The following ROBO1 variants were observed in gnomAD, a reference collection of about 807,000 sequenced individuals.
The protein encoded by ROBO1 is roundabout guidance receptor 1, also known as roundabout homolog 1.
A neutral mutation model predicts 195.9 loss-of-function variants in ROBO1; 149 were observed. The observed-to-expected ratio is 0.76, with a 90% CI of 0.67 to 0.87. The LOEUF (loss-of-function observed/expected upper bound fraction) is 0.87, where lower values mean the gene tolerates loss of function less well. Among genes scored for constraint, ROBO1 ranks in the 40% least tolerant of loss-of-function variants. The pLI, the probability that ROBO1 is intolerant of heterozygous loss-of-function variation, is 0.00. For missense variants in ROBO1, 1,933 were observed against 2,068.3 expected (o/e 0.93, Z 1.27); for synonymous variants, 816 against 733.2 (o/e 1.11, Z -1.82).
chr3:78,860,066 G>A (rs1297278673), intron 4 of ROBO1, among the ~76,000 whole-genome samples: 3 of 148,088 alleles, frequency 2.0e-5, no homozygotes, highest in Non-Finnish European at 4.5e-5. Context: ...GTGACAGAGC[G>A]AGACTTCGTC....
chr3:79,188,493 C>G (rs1192028812), intron 2 of ROBO1, among the ~76,000 whole-genome samples: 1 of 151,806 alleles, frequency 6.6e-6, no homozygotes, highest in African/African-American at 2.4e-5. Flanking sequence ...TGTACATATA[C>G]TGTACATGTT....
At chr3:79,705,018 T>G (rs2107184768) in intron 1 of ROBO1, among the ~76,000 whole-genome samples, 1 of 152,144 alleles carries the variant, frequency 6.6e-6, no homozygotes. Flanking sequence ...TTTGTCCCAT[T>G]TTTAATCAGG....
At chr3:78,782,112 T>C (rs1214242273) in intron 4 of ROBO1, among the ~76,000 whole-genome samples, 1 of 152,194 alleles carries the variant, frequency 6.6e-6, no homozygotes, top group African/African-American at 2.4e-5. Context: ...ATTTTCTTGC[T>C]TTAAATGTCT....
At chr3:78,807,563 A>G (rs1157166087) in intron 4 of ROBO1, among the ~76,000 whole-genome samples, 2 of 152,234 alleles carry the variant, frequency 1.3e-5, no homozygotes, top group African/African-American at 2.4e-5. Context: ...AAATGTGAAT[A>G]AAAGTAACAG....
At chr3:79,089,783 T>C (rs1291025792) in intron 3 of ROBO1, among the ~76,000 whole-genome samples, 1 of 152,224 alleles carries the variant, frequency 6.6e-6, no homozygotes, top group Non-Finnish European at 1.5e-5. Context: ...CGCATTTGCA[T>C]GTGTTTGCTT....
intron 10 of ROBO1, 93 bp downstream of exon 10, chr3:78,685,653 G>T: frequency 1.3e-6 from 1 of 778,232 alleles, no homozygotes; most frequent in Non-Finnish European, 1.9e-6. Flanking sequence ...GCCATAAAAA[G>T]GTATAAAGTT....
chr3:79,243,798 G>A (rs2108888215), intron 2 of ROBO1, among the ~76,000 whole-genome samples: 2 of 152,154 alleles, frequency 1.3e-5, no homozygotes, highest in South Asian at 2.1e-4. Flanking sequence ...CACTCTGATG[G>A]TAGTTTCTTT....
chr3:78,696,240 C>T (rs1332668933), intron 8 of ROBO1, among the ~76,000 whole-genome samples: 4 of 151,684 alleles, frequency 2.6e-5, no homozygotes, highest in Non-Finnish European at 5.9e-5. Context: ...TTCTCAACTT[C>T]GTTCCTTTCT....
chr3:78,927,438 T>G (rs2107628758), intron 4 of ROBO1, among the ~76,000 whole-genome samples: 1 of 152,334 alleles, frequency 6.6e-6, no homozygotes, highest in South Asian at 2.1e-4. Flanking sequence ...CAAGACAGAT[T>G]ATTCATACAA....
At chr3:79,646,225 A>G (rs1945817255) in intron 1 of ROBO1, among the ~76,000 whole-genome samples, 1 of 152,146 alleles carries the variant, frequency 6.6e-6, no homozygotes. Flanking sequence ...TAACAATAAT[A>G]ATTTGATTAA....
intron 2 of ROBO1, among the ~76,000 whole-genome samples, chr3:79,450,518 G>A (rs2039407763): frequency 6.6e-6 from 1 of 152,054 alleles, no homozygotes; most frequent in Non-Finnish European, 1.5e-5. Flanking sequence ...TATGAAAAAT[G>A]AGATAGATTT....
At chr3:78,738,863 GA>G (rs943917737) in intron 5 of ROBO1, among the ~76,000 whole-genome samples, 2 of 151,926 alleles carry the variant, frequency 1.3e-5, no homozygotes, top group Non-Finnish European at 2.9e-5. Context: ...TAGATGAAAT[GA>G]AAAAAATAGT....
intron 26 of ROBO1, among the ~76,000 whole-genome samples, chr3:78,622,629 A>G (rs1259507461): frequency 6.6e-6 from 1 of 152,162 alleles, no homozygotes; most frequent in Non-Finnish European, 1.5e-5. Flanking sequence ...CCATCAAGAG[A>G]GGTAGATGAG....
chr3:79,053,254 G>A (rs60184861), intron 3 of ROBO1, among the ~76,000 whole-genome samples: 2 of 151,572 alleles, frequency 1.3e-5, no homozygotes, highest in African/African-American at 4.8e-5. Flanking sequence ...TCTCCCACAC[G>A]GCCTTTGTTA....
intron 1 of ROBO1, among the ~76,000 whole-genome samples, chr3:79,665,843 T>G (rs1347342583): frequency 6.6e-6 from 1 of 151,884 alleles, no homozygotes; most frequent in African/African-American, 2.4e-5. Context: ...CACAAGGCTT[T>G]AAAAGACCTT....
intron 1 of ROBO1, among the ~76,000 whole-genome samples, chr3:79,752,473 G>T (rs1390942534): frequency 6.6e-6 from 1 of 152,052 alleles, no homozygotes; most frequent in Non-Finnish European, 1.5e-5. Flanking sequence ...ACATAGTGGT[G>T]CCATGGGAGC....
At chr3:79,129,324 T>G (rs2080279007) in intron 2 of ROBO1, among the ~76,000 whole-genome samples, 1 of 152,150 alleles carries the variant, frequency 6.6e-6, no homozygotes, top group Non-Finnish European at 1.5e-5. Flanking sequence ...GCGATATGGC[T>G]TTATATATTT....
intron 28 of ROBO1, 184 bp from the exon 29 acceptor site, chr3:78,607,225 T>A: frequency 1.6e-6 from 1 of 612,666 alleles, no homozygotes; most frequent in South Asian, 2.2e-5. Context: ...TTTATTTATT[T>A]ATTCTGAGAC....
chr3:79,164,125 G>A (rs1009888856), intron 2 of ROBO1, among the ~76,000 whole-genome samples: 1 of 152,008 alleles, frequency 6.6e-6, no homozygotes, highest in Non-Finnish European at 1.5e-5. Context: ...CCAAGGGTGG[G>A]GGAACTAAAA....
Sources: allele counts gnomAD v4.1 joint callset (sites outside exome capture counted in the v4.1 genomes callset), GRCh38; gene constraint gnomAD v4.1.1; transcripts MANE v1.5; gene names NCBI Gene and HGNC (gene_info 2026-07-23, HGNC 2026-07-21).